The following GSE1 variants were observed in gnomAD, a reference collection of about 807,000 sequenced individuals.
The protein encoded by GSE1 is Gse1 coiled-coil protein.
Under a neutral mutation model 112.6 loss-of-function variants are expected in GSE1, and 32 were observed. The ratio of observed to expected loss-of-function variants is 0.28; its 90% CI spans 0.21 to 0.38. GSE1 has a LOEUF of 0.38. Among genes scored for constraint, GSE1 ranks in the 10% least tolerant of loss-of-function variants. The pLI is 1.00. For synonymous variants in GSE1, 1,115 were observed against 735.6 expected (o/e 1.52, Z -8.35); for missense variants, 2,348 against 1,699.2 (o/e 1.38, Z -6.71).
chr16:85,654,488 G>GT, intron 4 of GSE1, 38 bp downstream of exon 4: 2 of 1,528,434 alleles, frequency 1.3e-6, no homozygotes, highest in Non-Finnish European at 1.8e-6. Context: ...AGGTGGCCAG[G>GT]TGGGGACACA....
intron 1 of GSE1, among the ~76,000 whole-genome samples, chr16:85,586,911 G>C: frequency 6.6e-6 from 1 of 152,264 alleles, no homozygotes. Flanking sequence ...TGCAGCGCGA[G>C]AGGAGTAAGT....
At chr16:85,440,074 G>T (rs985344346) in intron 2 of GSE1, among the ~76,000 whole-genome samples, 3 of 152,250 alleles carry the variant, frequency 2.0e-5, no homozygotes, top group Admixed American at 6.5e-5. Flanking sequence ...TGAGCAAATT[G>T]ACATCCCGTG....
Position 85,461,584 on chromosome 16 carries a change from G to A in GSE1, c.2464+103941G>A, listed in dbSNP as rs79198814. 3.1e-3 allele frequency among the ~76,000 whole-genome samples: 474 copies of A among 152,298 alleles called. 2 individuals are homozygous for A. The highest frequency in any genetic ancestry group is 0.027 in the Middle Eastern group (8 of 294). ...TGCGAGGGGTTCGAGACCCCCTGGT[G>A]TACATGGTTGTTTCTCAAACTTGAC... On this transcript the variant is annotated intron_variant, in intron 2 of 2. Transcript: ENST00000637419.
At chr16:85,300,397 A>C (rs1037615564) in intron 1 of GSE1, among the ~76,000 whole-genome samples, 1 of 152,070 alleles carries the variant, frequency 6.6e-6, no homozygotes, top group Admixed American at 6.5e-5. Context: ...CTAGTTCCCA[A>C]ACTTTCTCCT....
Position 85,431,150 on chromosome 16 carries a change from T to C in GSE1, c.2464+73507T>C, listed in dbSNP as rs148581765. On this transcript the variant is annotated intron_variant, in intron 2 of 2. Transcript: ENST00000637419. ...AGAATTGCACCAAGCTCCAGGGGTGTTAATCTGCAAAACCTCTCAGTCTAG... is the reference window on the plus strand; with the variant it reads ...AGAATTGCACCAAGCTCCAGGGGTGCTAATCTGCAAAACCTCTCAGTCTAG... 5.7e-3 allele frequency among the ~76,000 whole-genome samples: 869 copies of C among 152,228 alleles called. 5 individuals carry two copies. The highest frequency in any genetic ancestry group is 0.02 in the African/African-American group (820 of 41,548).
chr16:85,356,090 G>A (rs1335227875), intron 1 of GSE1, among the ~76,000 whole-genome samples: 2 of 152,214 alleles, frequency 1.3e-5, no homozygotes, highest in Non-Finnish European at 2.9e-5. Context: ...TGACCCCCCT[G>A]CAGTGTGGAC....
intron 1 of GSE1, among the ~76,000 whole-genome samples, chr16:85,601,484 G>C (rs923593261): frequency 6.6e-6 from 1 of 152,080 alleles, no homozygotes; most frequent in Non-Finnish European, 1.5e-5. Context: ...AGGCTCTCTG[G>C]CAAGAGGCAG....
chr16:85,280,805 A>G (rs902059950), intron 1 of GSE1, among the ~76,000 whole-genome samples: 2 of 152,132 alleles, frequency 1.3e-5, no homozygotes, highest in African/African-American at 2.4e-5. Flanking sequence ...CCATTTTTCA[A>G]ACCCTCTGAG....
At chr16:85,213,343 G>A (rs2075258206) in intron 1 of GSE1, among the ~76,000 whole-genome samples, 1 of 152,166 alleles carries the variant, frequency 6.6e-6, no homozygotes, top group Admixed American at 6.5e-5. Context: ...CTACTTGGGA[G>A]GCTGAGGTGG....
chr16:85,663,301 C>G (rs376688060), intron 10 of GSE1, 43 bp from the exon 11 acceptor site: 3 of 1,606,228 alleles, frequency 1.9e-6, no homozygotes, highest in Non-Finnish European at 2.6e-6. Context: ...AAGCATACCA[C>G]TGCCAGTGGC....
intron 1 of GSE1, among the ~76,000 whole-genome samples, chr16:85,225,488 A>G (rs1472142969): frequency 6.6e-6 from 1 of 152,162 alleles, no homozygotes; most frequent in South Asian, 2.1e-4. Context: ...AGGGCCTTGG[A>G]GCACTTAGCT....
At chr16:85,353,742 A>C (rs558846286) in intron 1 of GSE1, among the ~76,000 whole-genome samples, 1 of 152,334 alleles carries the variant, frequency 6.6e-6, no homozygotes, top group Admixed American at 6.5e-5. Flanking sequence ...GTGGGGCTCA[A>C]TTCCATCAAG....
intron 1 of GSE1, among the ~76,000 whole-genome samples, chr16:85,251,465 G>C (rs2144029238): frequency 6.6e-6 from 1 of 152,372 alleles, no homozygotes; most frequent in South Asian, 2.1e-4. Flanking sequence ...GTTTCCCTGG[G>C]CTCAGCAGGA....
chr16:85,211,549 A>G (rs1400811983), intron 1 of GSE1, among the ~76,000 whole-genome samples: 1 of 152,298 alleles, frequency 6.6e-6, no homozygotes, highest in Non-Finnish European at 1.5e-5. Context: ...GCACCTTCGC[A>G]GCTTCTCCGC....
chr16:85,552,320 C>CAGTCTCAGGTG (rs1434234907), upstream of GSE1, among the ~76,000 whole-genome samples: 481 of 105,084 alleles, frequency 4.6e-3, 3 homozygotes, highest in Middle Eastern at 6.8e-3. Context: ...CCACCGCACC[C>CAGTCTCAGGTG]GCCCCTCCTT....
At chr16:85,261,854 A>G (rs1264229369) in intron 1 of GSE1, among the ~76,000 whole-genome samples, 4 of 152,216 alleles carry the variant, frequency 2.6e-5, no homozygotes, top group African/African-American at 9.6e-5. Context: ...AGTGGGGCGT[A>G]TCAGCACCTG....
At chr16:85,474,593 C>T (rs564548689) in intron 2 of GSE1, among the ~76,000 whole-genome samples, 19 of 152,144 alleles carry the variant, frequency 1.2e-4, no homozygotes, top group African/African-American at 9.6e-5. Context: ...GTCCCCATCA[C>T]CCTGTCTCCT....
intron 1 of GSE1, among the ~76,000 whole-genome samples, chr16:85,228,017 G>T (rs767833028): frequency 6.6e-6 from 1 of 152,204 alleles, no homozygotes; most frequent in Admixed American, 6.5e-5. Flanking sequence ...GGGAGGGCTG[G>T]GAGGGCCCCT....
At chr16:85,622,042 G>A (rs190412683) in intron 1 of GSE1, among the ~76,000 whole-genome samples, 295 of 152,332 alleles carry the variant, frequency 1.9e-3, no homozygotes, top group Non-Finnish European at 3.1e-3. Flanking sequence ...GATTCTGGAG[G>A]GGCGTGTGTG....
Sources: allele counts gnomAD v4.1 joint callset (sites outside exome capture counted in the v4.1 genomes callset), GRCh38; gene constraint gnomAD v4.1.1; transcripts MANE v1.5; gene names NCBI Gene and HGNC (gene_info 2026-07-23, HGNC 2026-07-21).